ZNF516: variants seen among roughly 807,000 people sequenced by gnomAD.
ZNF516 encodes the protein zinc finger protein 516.
In ZNF516, 19 loss-of-function variants were observed where a neutral mutation model predicts 79.7. The observed-to-expected ratio is 0.24, with a 90% CI of 0.17 to 0.35. The LOEUF is 0.35. Among genes scored for constraint, ZNF516 ranks in the 10% least tolerant of loss-of-function variants. The probability of loss-of-function intolerance (pLI) is 1.00; values close to 1 mark genes in which losing one functional copy is unlikely to be tolerated. For synonymous variants in ZNF516, 877 were observed against 739.5 expected (o/e 1.19, Z -3.02); for missense variants, 1,678 against 1,679.5 (o/e 1.00, Z 0.02).
intron 4 of ZNF516, chr18:76,372,933 G>C (rs947785479): frequency 6.6e-6 from 1 of 152,358 alleles, no homozygotes; most frequent in Non-Finnish European, 1.5e-5. Flanking sequence ...AGGATCACTT[G>C]AGCCCAGGAG....
chr18:76,404,402 TGA>T (rs1212858549), intron 3 of ZNF516, among the ~76,000 whole-genome samples: 1 of 152,018 alleles, frequency 6.6e-6, no homozygotes, highest in Non-Finnish European at 1.5e-5. Context: ...AGTATCTGTG[TGA>T]GTGTGGGGGT....
intron 3 of ZNF516, among the ~76,000 whole-genome samples, chr18:76,397,875 A>G (rs2075167462): frequency 1.3e-5 from 2 of 152,256 alleles, no homozygotes; most frequent in Admixed American, 1.3e-4. Flanking sequence ...GATTACAGAC[A>G]TGAGCCACTG....
rs1351067875 is a variant in ZNF516, at chr18:76,373,240, AGGAGGGGAGCGGAGG to A, written c.3260-1684_3260-1670del. On this transcript the variant is annotated intron_variant, in intron 4 of 6. Transcript: ENST00000443185. ...AAGAAAAGAGGAGAGAGGAGGGAAGAGGAGGGGAGCGGAGGGGAGGGGAAAGGAGGGGAGACAGGA... is the reference window on the plus strand; with the variant it reads ...AAGAAAAGAGGAGAGAGGAGGGAAGAGGAGGGGAAAGGAGGGGAGACAGGA... 7.1e-5 allele frequency among the ~76,000 whole-genome samples: 10 copies of A among 141,168 alleles called. No homozygotes were observed. The East Asian group carries it at 2.2e-3, about 31-fold the overall frequency. 92.6% of individuals were successfully genotyped at this position (141,168 alleles called of 152,430 possible). A position where few individuals can be genotyped will look rare whatever the true frequency, so the allele number is the denominator to read the frequency against.
chr18:76,433,751 C>T (rs74996268), intron 3 of ZNF516, among the ~76,000 whole-genome samples: 1,655 of 152,272 alleles, frequency 0.011, 12 homozygotes, highest in Non-Finnish European at 0.015. Flanking sequence ...AGTGAAGAAT[C>T]GAGAAAGGAT....
chr18:76,388,924 A>C (rs1028686282), intron 3 of ZNF516: 8 of 152,328 alleles, frequency 5.3e-5, no homozygotes, highest in Non-Finnish European at 1.0e-4. Flanking sequence ...TGGGCTCTGA[A>C]CCATACATGG....
At chr18:76,478,840 G>A (rs1306911892) in intron 1 of ZNF516, among the ~76,000 whole-genome samples, 17 of 152,156 alleles carry the variant, frequency 1.1e-4, no homozygotes, top group Admixed American at 1.1e-3. Flanking sequence ...CAGATCCCTT[G>A]AGGTCAGGAG....
rs1293668554 is a variant in ZNF516, at chr18:76,441,722, C to T, written c.1333G>A (p.Gly445Arg). 5.7e-6 allele frequency: 9 copies of T among 1,573,250 alleles called. No individual in the cohort carries two copies. Among genetic ancestry groups the T allele is most frequent in the Admixed American group, 3.6e-5 (2 of 56,270 alleles). Reference sequence around the variant, plus strand: ...CTGTCCTTGTCGAAGGCCACGTCCCCGGCCAGCGCCTCGTCCCAGGCCCCG... The same window carrying T: ...CTGTCCTTGTCGAAGGCCACGTCCCTGGCCAGCGCCTCGTCCCAGGCCCCG... ...KYGAWDEALA[G>R]DVAFDKDRRE... Residue 445 changes from glycine (G) to arginine (R), a missense_variant, in exon 3 of 7, where the codon GGG (glycine) becomes AGG (arginine). Transcript: ENST00000443185.
intron 2 of ZNF516, among the ~76,000 whole-genome samples, chr18:76,452,370 A>AC (rs1214543499): frequency 2.6e-5 from 4 of 152,074 alleles, no homozygotes; most frequent in East Asian, 1.9e-4. Flanking sequence ...ATTACTTAGC[A>AC]CCCCCCAAAT....
chr18:76,400,004 G>A (rs1005848267), intron 3 of ZNF516, among the ~76,000 whole-genome samples: 7 of 152,198 alleles, frequency 4.6e-5, no homozygotes, highest in Admixed American at 1.3e-4. Context: ...ACCGTGGGAT[G>A]AGCAGACCAT....
chr18:76,442,719 G>A lies in ZNF516; in HGVS notation c.336C>T (p.Asp112=), dbSNP rs868296674. Residue 112 remains aspartate, a synonymous_variant, in exon 3 of 7, where the codon GAC becomes GAT. Coordinates refer to ENST00000443185, the MANE Select transcript of ZNF516 (RefSeq NM_014643.4). ...CGCTCTTGGTGGGGCTGGCGCAGGC[G>A]TCCAGGCCCTCGGAGGCGCGCATCT... ...LGEMRASEGL[D]ACASPTKSAS... The A allele has an allele frequency of 7.6e-6, 12 of 1,581,904 alleles. No individual in the cohort carries two copies. The highest frequency in any genetic ancestry group is 3.4e-4 in the Middle Eastern group (2 of 5,910).
At chr18:76,384,055 C>T (rs1203642915) in intron 3 of ZNF516, among the ~76,000 whole-genome samples, 2 of 152,214 alleles carry the variant, frequency 1.3e-5, no homozygotes, top group Non-Finnish European at 2.9e-5. Context: ...GGGACCACGA[C>T]ACCCATCCAC....
chr18:76,423,888 C>T (rs2075549009), intron 3 of ZNF516, among the ~76,000 whole-genome samples: 1 of 114,916 alleles, frequency 8.7e-6, no homozygotes, highest in African/African-American at 3.0e-5. Context: ...AAAGGTTCCC[C>T]CGAAACACAC....
At chr18:76,457,545 A>G (rs892848123) in intron 2 of ZNF516, among the ~76,000 whole-genome samples, 11 of 152,116 alleles carry the variant, frequency 7.2e-5, no homozygotes, top group African/African-American at 2.7e-4. Flanking sequence ...TCCCATCTCT[A>G]TATAAAGATT....
chr18:76,492,891 C>G (rs1446029672), intron 1 of ZNF516: 1 of 985,636 alleles, frequency 1.0e-6, no homozygotes, highest in East Asian at 1.1e-4. Flanking sequence ...ACGTCTACAT[C>G]ACACATCTGT....
At chr18:76,387,524 T>C (rs930798268) in intron 3 of ZNF516, 2 of 152,230 alleles carry the variant, frequency 1.3e-5, no homozygotes, top group Admixed American at 6.5e-5. Flanking sequence ...TTATCCCAGA[T>C]TTGCCAAGAA....
At chr18:76,485,179 C>T (rs559884434) in intron 1 of ZNF516, among the ~76,000 whole-genome samples, 2 of 152,046 alleles carry the variant, frequency 1.3e-5, no homozygotes, top group African/African-American at 4.8e-5. Context: ...AACACAATAA[C>T]GTTAATTTAA....
At chr18:76,418,678 AAAAG>A (rs554180063) in intron 3 of ZNF516, among the ~76,000 whole-genome samples, 143 of 152,392 alleles carry the variant, frequency 9.4e-4, no homozygotes, top group African/African-American at 3.2e-3. Context: ...AAATGTGAAA[AAAAG>A]AAAGTGGAAA....
At position 76,442,616 on chromosome 18, in the gene ZNF516, C is replaced by T. The variant is rs752392304; in HGVS notation, c.439G>A (p.Asp147Asn). The T allele has an allele frequency of 4.4e-6, 7 of 1,596,400 alleles. No homozygotes were observed. Among genetic ancestry groups the T allele is most frequent in the African/African-American group, 2.7e-5 (2 of 74,830 alleles). ...ARVLNGASQA[D>N]SGRVLLRSSK... ...CTCCGCAGCAGGACTCTGCCGCTGT[C>T]GGCCTGCGAGGCCCCGTTCAGGACC... Residue 147 changes from aspartate (D) to asparagine (N), a missense_variant, in exon 3 of 7, where the codon GAC becomes AAC. By Grantham distance (23) the Asp-to-Asn change is conservative. This residue lies in a region of ZNF516 where 279 missense variants were observed against 254.1 expected (regional missense o/e 1.10). Transcript: ENST00000443185.
Position 76,360,646 on chromosome 18 carries a change from AATATATATATAT to A in ZNF516, c.*1840_*1851del, listed in dbSNP as rs61233300. The A allele has an allele frequency of 2.8e-5, 2 of 72,494 alleles. No individual in the cohort carries two copies. Among genetic ancestry groups the A allele is most frequent in the African/African-American group, 6.1e-5 (1 of 16,370 alleles). The allele number at this position is 72,494 out of a possible 1,614,324, so 4.5% of individuals were successfully genotyped here. ...AAAAAAATAAGTAAAAAAAAAAAAA[AATATATATATAT>A]ATATATATATATATATATATAAGCT... On this transcript the variant is annotated 3_prime_UTR_variant, in exon 7 of 7. Coordinates refer to ENST00000443185, the MANE Select transcript of ZNF516 (RefSeq NM_014643.4).
Sources: gnomAD v4.1 joint callset for allele counts (sites outside exome capture counted in the v4.1 genomes callset) on GRCh38, gnomAD v4.1.1 for gene constraint, gnomAD v4.1.1 regional missense constraint, MANE v1.5 for transcripts, NCBI Gene and HGNC (gene_info 2026-07-23, HGNC 2026-07-21) for gene names.